The following PCDHGB1 variants were observed in gnomAD, a reference collection of about 807,000 sequenced individuals.
The protein encoded by PCDHGB1 is protocadherin gamma subfamily B, 1, also known as protocadherin gamma-B1.
PCDHGB1 carries 34 observed loss-of-function variants against 56.6 expected under a neutral mutation model. That is an observed-to-expected ratio of 0.60 (90% CI 0.46 to 0.80). PCDHGB1 has a LOEUF of 0.80. Ranked by LOEUF, PCDHGB1 falls within the 30% of genes least tolerant of loss-of-function variation. The pLI, the probability that PCDHGB1 is intolerant of heterozygous loss-of-function variation, is 0.00. For synonymous variants in PCDHGB1, 561 were observed against 505.9 expected, an observed-to-expected ratio of 1.11 and a Z score of -1.46; for missense variants, 1,278 against 1,204.6, an observed-to-expected ratio of 1.06 and a Z score of -0.90.
intron 1 of PCDHGB1, chr5:141,402,790 A>G: frequency 1.0e-6 from 1 of 961,364 alleles, no homozygotes; most frequent in Non-Finnish European, 1.5e-6. Flanking sequence ...TTCTGCGGCT[A>G]CACAAAACCC....
rs1404153764 is a variant in PCDHGB1 at position 141,364,593 on chromosome 5, G to A, written c.2409+11924G>A. On this transcript the variant is annotated intron_variant, in intron 1 of 3. Transcript: ENST00000523390. ...CGAAGCGGCAGCTTGGTCACCGCGG[G>A]CAGGATAGACCGGGAGGAGCTCTGC... 1.9e-6 allele frequency: 3 copies of A among 1,614,214 alleles called. No homozygotes were observed. The South Asian group carries it at 3.3e-5, about 18-fold the overall frequency.
chr5:141,433,277 T>G, intron 1 of PCDHGB1: 1 of 1,231,982 alleles, frequency 8.1e-7, no homozygotes. Flanking sequence ...CACTGCAGCC[T>G]CAAACTCCTA....
At chr5:141,404,382 A>T in intron 1 of PCDHGB1, 2 of 1,613,978 alleles carry the variant, frequency 1.2e-6, no homozygotes, top group Non-Finnish European at 1.7e-6. Context: ...GTGATTGCCT[A>T]TGACCCTGAT....
At position 141,432,207 on chromosome 5, in the gene PCDHGB1, A is replaced by G. The variant is rs1181424938; in HGVS notation, c.2410-62600A>G. 3 of 1,614,176 alleles carry G rather than the reference A, an allele frequency of 1.9e-6. No homozygotes were observed. The highest frequency in any genetic ancestry group is 2.5e-6 in the Non-Finnish European group (3 of 1,180,026). ...ACCGCCCACGACCCCGACTGTGAAG[A>G]GAACGCCCAGATCACTTATTCCCTG... On this transcript the variant is annotated intron_variant, in intron 1 of 3. Transcript: ENST00000523390. The surrounding 1 kb of genome is among the most constrained non-coding windows in gnomAD (Gnocchi z 6.0).
In PCDHGB1 at chr5:141,486,872, C is replaced by T. The variant is rs1320632059; in HGVS notation, c.2410-7935C>T. On this transcript the variant is annotated intron_variant, in intron 1 of 3. Transcript: ENST00000523390. The surrounding 1 kb of genome is among the most constrained non-coding windows in gnomAD (Gnocchi z 5.0). ...CAATGACAATGCTCCAGCTGTGCTC[C>T]GTCCTCGGGCCCGGCCTGGTTCCTT... The T allele has an allele frequency of 3.7e-6, 6 of 1,614,232 alleles. No individual in the cohort carries two copies. Among genetic ancestry groups the T allele is most frequent in the African/African-American group, 1.3e-5 (1 of 75,070 alleles).
chr5:141,385,348 C>T, intron 1 of PCDHGB1: 1 of 1,557,574 alleles, frequency 6.4e-7, no homozygotes. Context: ...TCCTTTATTT[C>T]CATGAGGAAT....
intron 2 of PCDHGB1, among the ~76,000 whole-genome samples, chr5:141,500,410 C>G (rs2099800033): frequency 6.6e-6 from 1 of 151,774 alleles, no homozygotes; most frequent in Non-Finnish European, 1.5e-5. Flanking sequence ...GGGGTTTCAC[C>G]GTGTTAGCCA....
chr5:141,394,536 G>C (rs2093028301), intron 1 of PCDHGB1: 2 of 1,614,070 alleles, frequency 1.2e-6, no homozygotes. Flanking sequence ...TTCCACTGGC[G>C]TGGAGCTGGC....
chr5:141,364,500 A>G, intron 1 of PCDHGB1: 7 of 1,614,008 alleles, frequency 4.3e-6, no homozygotes, highest in Non-Finnish European at 5.9e-6. Flanking sequence ...CTGGAGCCCC[A>G]GGAGCTGGCG....
In PCDHGB1 at chr5:141,486,885, G is replaced by C. The variant is rs139638334; in HGVS notation, c.2410-7922G>C. 1.2e-6 allele frequency: 2 copies of C among 1,614,076 alleles called. No individual in the cohort carries two copies. Among genetic ancestry groups the C allele is most frequent in the East Asian group, 4.5e-5 (2 of 44,892 alleles). On this transcript the variant is annotated intron_variant, in intron 1 of 3. Coordinates refer to ENST00000523390, the MANE Select transcript of PCDHGB1 (RefSeq NM_018922.3). This position sits in a 1 kb window ranked among gnomAD's most constrained non-coding sequence, Gnocchi z 5.0. ...CCAGCTGTGCTCCGTCCTCGGGCCC[G>C]GCCTGGTTCCTTATGTCCCCAAGCA...
intron 1 of PCDHGB1, among the ~76,000 whole-genome samples, chr5:141,382,340 T>G (rs535677710): frequency 3.4e-4 from 52 of 152,358 alleles, no homozygotes; most frequent in Middle Eastern, 3.4e-3. Context: ...AAGTAAAATC[T>G]TTCATATGTA....
chr5:141,481,351 A>G (rs2099536232), intron 1 of PCDHGB1, among the ~76,000 whole-genome samples: 1 of 152,152 alleles, frequency 6.6e-6, no homozygotes, highest in Non-Finnish European at 1.5e-5. Context: ...TTAAACATCT[A>G]CAGCTGTTCA....
chr5:141,415,740 G>GTTTTTTTTTTTTTTTTTTTTTTT (rs57426385), intron 1 of PCDHGB1: 14 of 625,046 alleles, frequency 2.2e-5, no homozygotes, highest in East Asian at 1.4e-4. Flanking sequence ...GTTTATTAAG[G>GTTTTTTTTTTTTTTTTTTTTTTT]TTTTTTTTTT....
chr5:141,418,986 C>T, intron 1 of PCDHGB1: 1 of 1,613,930 alleles, frequency 6.2e-7, no homozygotes, highest in Non-Finnish European at 8.5e-7. Context: ...GACCAAGACT[C>T]AGGGGAAAAT....
intron 1 of PCDHGB1, chr5:141,388,229 C>A (rs1041340259): frequency 1.7e-5 from 27 of 1,606,864 alleles, no homozygotes; most frequent in Non-Finnish European, 2.2e-5. Context: ...ATCCACTGAA[C>A]TTTTATCACG....
At chr5:141,501,147 G>A (rs1166199034) in intron 2 of PCDHGB1, among the ~76,000 whole-genome samples, 1 of 152,142 alleles carries the variant, frequency 6.6e-6, no homozygotes, top group Non-Finnish European at 1.5e-5. Context: ...GATTACAGGT[G>A]GGAGCCACCA....
chr5:141,403,879 T>C (rs981085034), intron 1 of PCDHGB1: 19 of 1,613,692 alleles, frequency 1.2e-5, no homozygotes, highest in Non-Finnish European at 1.6e-5. Context: ...GTCTAGATTA[T>C]GAAGAATGTT....
chr5:141,430,643 T>G (rs1432236231), intron 1 of PCDHGB1: 16 of 946,950 alleles, frequency 1.7e-5, no homozygotes, highest in South Asian at 2.5e-5. Flanking sequence ...CCTGGGAGTA[T>G]GTGGAAACAA....
At chr5:141,399,847 G>T (rs746731144) in intron 1 of PCDHGB1, 19 of 1,612,874 alleles carry the variant, frequency 1.2e-5, no homozygotes, top group Middle Eastern at 1.7e-4. Flanking sequence ...CTTCGATATG[G>T]TGCCGCGCGC....
Sources: allele counts gnomAD v4.1 joint callset (sites outside exome capture counted in the v4.1 genomes callset), GRCh38; gene constraint gnomAD v4.1.1; non-coding constraint Gnocchi (gnomAD v3.1); transcripts MANE v1.5; gene names NCBI Gene and HGNC (gene_info 2026-07-23, HGNC 2026-07-21).